TMEM132B: variants seen among roughly 807,000 people sequenced by gnomAD.
TMEM132B encodes the protein transmembrane protein 132B.
TMEM132B carries 18 observed loss-of-function variants against 90.8 expected under a neutral mutation model. The ratio of observed to expected loss-of-function variants is 0.20; its 90% CI spans 0.14 to 0.29. The LOEUF is 0.29. Ranked by LOEUF, TMEM132B falls within the 10% of genes least tolerant of loss-of-function variation. TMEM132B has a pLI of 1.00. For synonymous variants in TMEM132B, 504 were observed against 523.3 expected (o/e 0.96, Z 0.50); for missense variants, 1,096 against 1,326.8 (o/e 0.83, Z 2.70).
intron 1 of TMEM132B, among the ~76,000 whole-genome samples, chr12:125,202,085 A>G (rs1388812480): frequency 6.6e-6 from 1 of 152,160 alleles, no homozygotes; most frequent in Non-Finnish European, 1.5e-5. Context: ...CATGACTTGC[A>G]CACAACCAAT....
rs757806630 is a variant in TMEM132B, at chr12:125,519,632, A to C, written c.1293+7A>C. The C allele has an allele frequency of 3.1e-6, 5 of 1,613,430 alleles. No homozygotes were observed. In the South Asian group the frequency reaches 5.5e-5, roughly 18 times the overall value. ...CATCGTCCCTCTTGCCATGGTGAGG[A>C]ATCTGGGGGTTTCAGAGGAAGTGTC... On this transcript the variant is annotated splice_region_variant and intron_variant, in intron 4 of 8. Transcript: ENST00000682704.
intron 2 of TMEM132B, among the ~76,000 whole-genome samples, chr12:125,356,504 C>T (rs1404361901): frequency 6.6e-6 from 1 of 152,238 alleles, no homozygotes; most frequent in Non-Finnish European, 1.5e-5. Context: ...TTCTCTGACA[C>T]TCCACAGCTG....
chr12:125,424,780 G>T (rs422105), intron 3 of TMEM132B, among the ~76,000 whole-genome samples: 97,085 of 151,892 alleles, frequency 0.64, 32,753 homozygotes, highest in East Asian at 0.83. Flanking sequence ...AGAGACCTCC[G>T]TATGGAGGGG....
intron 5 of TMEM132B, chr12:125,588,105 G>T (rs1159654788): frequency 6.6e-6 from 1 of 152,156 alleles, no homozygotes. Flanking sequence ...TAAAGAAAAA[G>T]ACTGCAGAGG....
Position 125,519,493 on chromosome 12 carries a change from CAGTGACCTG to C in TMEM132B, c.1162_1170del (p.Ser388_Leu390del), listed in dbSNP as rs1175133037. ...AAGTGGACTTTGGAATTGATAATAG[CAGTGACCTG>C]GCTGGGGCCCAGCAGATTACCTGGC... On this transcript the variant is annotated inframe_deletion, in exon 4 of 9. Coordinates refer to ENST00000682704, the MANE Select transcript of TMEM132B (RefSeq NM_001366854.1). 1 of 1,613,972 alleles carries C rather than the reference CAGTGACCTG, an allele frequency of 6.2e-7. No individual in the cohort carries two copies.
intron 1 of TMEM132B, among the ~76,000 whole-genome samples, chr12:125,321,608 G>A (rs952370886): frequency 4.0e-5 from 6 of 151,692 alleles, no homozygotes; most frequent in Non-Finnish European, 7.4e-5. Context: ...CTCCCAAGTA[G>A]CTGGGATTCC....
At chr12:125,432,691 T>A (rs1182476772) in intron 3 of TMEM132B, among the ~76,000 whole-genome samples, 4 of 151,714 alleles carry the variant, frequency 2.6e-5, no homozygotes, top group Non-Finnish European at 5.9e-5. Context: ...ATTTTTGATA[T>A]ATCAACTTGC....
chr12:125,225,469 C>T (rs1018100604), intron 1 of TMEM132B, among the ~76,000 whole-genome samples: 4 of 152,180 alleles, frequency 2.6e-5, no homozygotes, highest in African/African-American at 7.2e-5. Context: ...GCAAGTTTTG[C>T]TAGAGGTGGG....
Position 125,332,341 on chromosome 12 carries a change from T to G in TMEM132B, c.68-17111T>G, listed in dbSNP as rs572500538. Among the ~76,000 whole-genome samples the G allele has an allele frequency of 6.6e-5, 10 of 152,282 alleles. No homozygotes were observed. In the East Asian group the frequency reaches 1.9e-3, roughly 29 times the overall value. Reference sequence around the variant, plus strand: ...GCTTGTGATAACTGCCAGCCAATTATTCATCTCTTCTTCCTCTGAGATCTG... The same window carrying G: ...GCTTGTGATAACTGCCAGCCAATTAGTCATCTCTTCTTCCTCTGAGATCTG... On this transcript the variant is annotated intron_variant, in intron 1 of 8. Coordinates refer to ENST00000682704, the MANE Select transcript of TMEM132B (RefSeq NM_001366854.1).
At chr12:125,401,127 G>C (rs1271007084) in intron 2 of TMEM132B, among the ~76,000 whole-genome samples, 1 of 152,140 alleles carries the variant, frequency 6.6e-6, no homozygotes, top group East Asian at 1.9e-4. Flanking sequence ...GAATTTTTTG[G>C]TGATGTCTCT....
intron 3 of TMEM132B, among the ~76,000 whole-genome samples, chr12:125,491,827 C>T (rs1882361009): frequency 6.6e-6 from 1 of 152,210 alleles, no homozygotes; most frequent in South Asian, 2.1e-4. Flanking sequence ...AAGTGCATCA[C>T]GTGCTCCAGA....
chr12:125,645,034 G>A (rs1245104988), intron 6 of TMEM132B, among the ~76,000 whole-genome samples: 1 of 150,036 alleles, frequency 6.7e-6, no homozygotes, highest in Non-Finnish European at 1.5e-5. Context: ...TGGCTAACAT[G>A]GTGAAAGCCT....
intron 5 of TMEM132B, among the ~76,000 whole-genome samples, chr12:125,592,699 A>G (rs1163218335): frequency 6.6e-6 from 1 of 152,134 alleles, no homozygotes; most frequent in African/African-American, 2.4e-5. Context: ...ACAAAACTCT[A>G]TATGATCAAA....
intron 1 of TMEM132B, among the ~76,000 whole-genome samples, chr12:125,233,162 A>G (rs1873862694): frequency 6.6e-6 from 1 of 152,262 alleles, no homozygotes; most frequent in Non-Finnish European, 1.5e-5. Context: ...TGTCTGAAAC[A>G]AAGTGGTTAC....
chr12:125,375,114 A>C (rs546090392), intron 2 of TMEM132B, among the ~76,000 whole-genome samples: 1 of 152,344 alleles, frequency 6.6e-6, no homozygotes, highest in Admixed American at 6.5e-5. Context: ...ACTGGATAGC[A>C]CACAATGTAC....
At chr12:125,475,634 C>G (rs1019438051) in intron 3 of TMEM132B, among the ~76,000 whole-genome samples, 1 of 152,198 alleles carries the variant, frequency 6.6e-6, no homozygotes, top group Non-Finnish European at 1.5e-5. Context: ...CCTTGAACAT[C>G]GGACTCCAAG....
chr12:125,298,082 C>T (rs1447572997), intron 1 of TMEM132B, among the ~76,000 whole-genome samples: 3 of 152,034 alleles, frequency 2.0e-5, no homozygotes, highest in Non-Finnish European at 4.4e-5. Flanking sequence ...GTGAGGCCAC[C>T]CCATCTCTAC....
chr12:125,483,287 A>G (rs1312161002), intron 3 of TMEM132B, among the ~76,000 whole-genome samples: 1 of 152,192 alleles, frequency 6.6e-6, no homozygotes, highest in Non-Finnish European at 1.5e-5. Flanking sequence ...GTGAGAAAAA[A>G]TAGTGATTGG....
chr12:125,378,005 C>A (rs1878545608), intron 2 of TMEM132B, among the ~76,000 whole-genome samples: 1 of 152,088 alleles, frequency 6.6e-6, no homozygotes, highest in Non-Finnish European at 1.5e-5. Context: ...GGAGGCTGGA[C>A]AAGGGGAGGT....
Sources: allele counts gnomAD v4.1 joint callset (sites outside exome capture counted in the v4.1 genomes callset), GRCh38; gene constraint gnomAD v4.1.1; transcripts MANE v1.5; gene names NCBI Gene and HGNC (gene_info 2026-07-23, HGNC 2026-07-21).